DIAPH3: variants seen among roughly 807,000 people sequenced by gnomAD.
DIAPH3 encodes the protein protein diaphanous homolog 3.
A neutral mutation model predicts 144.3 loss-of-function variants in DIAPH3; 117 were observed. The observed-to-expected ratio is 0.81, with a 90% confidence interval of 0.70 to 0.95. The LOEUF (loss-of-function observed/expected upper bound fraction) is 0.95, where lower values mean the gene tolerates loss of function less well. Among genes scored for constraint, DIAPH3 ranks in the 40% least tolerant of loss-of-function variants. The pLI, the probability that DIAPH3 is intolerant of heterozygous loss-of-function variation, is 0.00. For synonymous variants in DIAPH3, 519 were observed against 488.9 expected, an observed-to-expected ratio of 1.06 and a Z score of -0.81; for missense variants, 1,421 against 1,412.7, an observed-to-expected ratio of 1.01 and a Z score of -0.09.
chr13:59,967,671 T>C (rs1219924501), intron 17 of DIAPH3, among the ~76,000 whole-genome samples: 5 of 152,214 alleles, frequency 3.3e-5, no homozygotes, highest in Non-Finnish European at 5.9e-5. Context: ...TAAATACACA[T>C]TTTAATTGTC....
intron 2 of DIAPH3, among the ~76,000 whole-genome samples, chr13:60,124,157 A>C (rs1281552238): frequency 6.6e-6 from 1 of 152,200 alleles, no homozygotes; most frequent in Admixed American, 6.5e-5. Flanking sequence ...ATACCGAGGA[A>C]GAAGGCCCAG....
chr13:60,117,447 A>C (rs892885507), intron 2 of DIAPH3, among the ~76,000 whole-genome samples: 1 of 152,094 alleles, frequency 6.6e-6, no homozygotes, highest in Admixed American at 6.5e-5. Flanking sequence ...AAAAATAAGC[A>C]CAATCCTTCC....
chr13:59,720,652 C>T (rs900887377), intron 27 of DIAPH3, among the ~76,000 whole-genome samples: 7 of 152,012 alleles, frequency 4.6e-5, no homozygotes, highest in Non-Finnish European at 7.4e-5. Flanking sequence ...AAATATATCC[C>T]CATTCCAAAG....
intron 20 of DIAPH3, among the ~76,000 whole-genome samples, chr13:59,879,812 T>A (rs1465726991): frequency 6.6e-6 from 1 of 152,166 alleles, no homozygotes; most frequent in Admixed American, 6.6e-5. Flanking sequence ...TGTCATTATT[T>A]TGAATAATTT....
chr13:59,882,961 A>G (rs2045181407), intron 20 of DIAPH3, among the ~76,000 whole-genome samples: 2 of 152,306 alleles, frequency 1.3e-5, no homozygotes, highest in Admixed American at 1.3e-4. Flanking sequence ...GAGATGTTAA[A>G]AGCAGTGACT....
chr13:59,710,829 A>G (rs573417181), intron 27 of DIAPH3, among the ~76,000 whole-genome samples: 1 of 152,332 alleles, frequency 6.6e-6, no homozygotes. Context: ...CTATTCAAAT[A>G]AACAAGTTAA....
At chr13:60,077,163 C>T (rs2057406567) in intron 4 of DIAPH3, among the ~76,000 whole-genome samples, 2 of 151,742 alleles carry the variant, frequency 1.3e-5, no homozygotes, top group Admixed American at 1.3e-4. Context: ...AATTTCTAAT[C>T]ATTTTATTTT....
At chr13:59,993,811 C>T (rs1212962816) in intron 9 of DIAPH3, among the ~76,000 whole-genome samples, 2 of 150,948 alleles carry the variant, frequency 1.3e-5, no homozygotes, top group Non-Finnish European at 3.0e-5. Flanking sequence ...TTCCTTCCAC[C>T]CCCTTGCCAG....
chr13:59,734,776 T>A (rs2036057486), intron 27 of DIAPH3, among the ~76,000 whole-genome samples: 1 of 152,250 alleles, frequency 6.6e-6, no homozygotes, highest in Non-Finnish European at 1.5e-5. Context: ...TCAGTCCATC[T>A]GGTCTCATTT....
Position 60,039,039 on chromosome 13 carries a change from C to T in DIAPH3, c.626+3651G>A, listed in dbSNP as rs1409220269. Among the ~76,000 whole-genome samples the T allele has an allele frequency of 5.9e-5, 9 of 151,696 alleles. No homozygotes were observed. In the East Asian group the frequency reaches 1.7e-3, roughly 29 times the overall value. ...CCTGGTGTTCAGAACTAGCTCAAAA[C>T]TGTCACCGAGAATACTAGATAATCA... On this transcript the variant is annotated intron_variant, in intron 5 of 27. Transcript: ENST00000400324.
intron 27 of DIAPH3, among the ~76,000 whole-genome samples, chr13:59,697,955 T>C (rs1287163931): frequency 1.3e-5 from 2 of 152,248 alleles, no homozygotes; most frequent in Non-Finnish European, 2.9e-5. Context: ...ATAGTTGCTT[T>C]TACATTCAAT....
At chr13:59,667,986 T>C (rs796476153) in intron 27 of DIAPH3, among the ~76,000 whole-genome samples, 1 of 152,180 alleles carries the variant, frequency 6.6e-6, no homozygotes, top group African/African-American at 2.4e-5. Context: ...AGGCTTCCAG[T>C]GATGGATGAG....
chr13:60,080,120 T>C (rs1046440900), intron 4 of DIAPH3, among the ~76,000 whole-genome samples: 6 of 151,942 alleles, frequency 3.9e-5, no homozygotes, highest in African/African-American at 7.2e-5. Context: ...TTATAAAATA[T>C]TGAAGAACAC....
chr13:60,008,626 A>T lies in DIAPH3; in HGVS notation c.932T>A (p.Leu311Ter). 4.3e-6 allele frequency: 7 copies of T among 1,613,380 alleles called. No homozygotes were observed. Among genetic ancestry groups the T allele is most frequent in the Non-Finnish European group, 5.9e-6 (7 of 1,179,546 alleles). ...TTTTTTTTCTTCACCAGCTGAAGTT[A>T]AAGCTTCTAAAACTTCTTCAAGGCT... The part of the protein sequence containing the change: ...ESILEEVLEA[L>*]TSAGEEKKID... The change falls in exon 9 of 28, where the codon TTA (leucine) becomes TAA (stop). Residue 311 changes from leucine (L) to a stop codon, truncating the protein, a stop_gained. Transcript: ENST00000400324. LOFTEE classifies it high-confidence loss of function.
intron 24 of DIAPH3, among the ~76,000 whole-genome samples, chr13:59,825,144 G>C (rs984613227): frequency 1.3e-5 from 2 of 151,814 alleles, no homozygotes; most frequent in African/African-American, 4.8e-5. Flanking sequence ...CCATTAACTC[G>C]TCATTTAGCA....
chr13:60,045,243 G>A (rs1470126027), intron 4 of DIAPH3, among the ~76,000 whole-genome samples: 1 of 152,006 alleles, frequency 6.6e-6, no homozygotes, highest in Non-Finnish European at 1.5e-5. Context: ...AGGAGGCTGA[G>A]GCAGGAGAAT....
chr13:59,966,105 G>A (rs2050035985), intron 17 of DIAPH3, among the ~76,000 whole-genome samples: 1 of 152,104 alleles, frequency 6.6e-6, no homozygotes, highest in African/African-American at 2.4e-5. Flanking sequence ...AAAAGAAAAT[G>A]ATGTAAGTGA....
rs369795170 is a variant in DIAPH3, at chr13:59,832,784, C to T, written c.3027+323G>A. ...TTATATCACAAAAATATAAACTGATCTTGAAGTATAAAGAAACAAATTCAT... is the reference window on the plus strand; with the variant it reads ...TTATATCACAAAAATATAAACTGATTTTGAAGTATAAAGAAACAAATTCAT... On this transcript the variant is annotated intron_variant, in intron 24 of 27. Coordinates refer to ENST00000400324, the MANE Select transcript of DIAPH3 (RefSeq NM_001042517.2). Among the ~76,000 whole-genome samples, 61 of 151,870 alleles carry T rather than the reference C, an allele frequency of 4.0e-4. 2 individuals carry two copies. In the East Asian group the frequency reaches 9.5e-3, roughly 24 times the overall value.
intron 17 of DIAPH3, among the ~76,000 whole-genome samples, chr13:59,932,870 G>C (rs895256420): frequency 1.3e-5 from 2 of 152,022 alleles, no homozygotes; most frequent in Admixed American, 6.6e-5. Flanking sequence ...CTTTTTTGTT[G>C]ATATGAAGCC....
Sources: allele counts gnomAD v4.1 joint callset (sites outside exome capture counted in the v4.1 genomes callset), GRCh38; gene constraint gnomAD v4.1.1; transcripts MANE v1.5; gene names NCBI Gene and HGNC (gene_info 2026-07-23, HGNC 2026-07-21).